Variants in KAZN observed in about 807,000 individuals in gnomAD.
The protein encoded by KAZN is kazrin, periplakin interacting protein, also known as kazrin.
KAZN carries 40 observed loss-of-function variants against 87.4 expected under a neutral mutation model. That is an observed-to-expected ratio of 0.46 (90% CI 0.36 to 0.60). KAZN has a LOEUF of 0.60. Among genes scored for constraint, KAZN ranks in the 20% least tolerant of loss-of-function variants. The pLI, the probability that KAZN is intolerant of heterozygous loss-of-function variation, is 0.00. For missense variants in KAZN, 898 were observed against 1,073.9 expected, an observed-to-expected ratio of 0.84 and a Z score of 2.29; for synonymous variants, 466 against 458.3, an observed-to-expected ratio of 1.02 and a Z score of -0.22.
chr1:14,457,184 C>T (rs1667612149), intron 2 of KAZN, among the ~76,000 whole-genome samples: 1 of 152,196 alleles, frequency 6.6e-6, no homozygotes, highest in African/African-American at 2.4e-5. Flanking sequence ...CACGTATTTC[C>T]ACTTTACCAC....
intron 1 of KAZN, among the ~76,000 whole-genome samples, chr1:14,044,964 C>G (rs907975875): frequency 2.0e-5 from 3 of 152,122 alleles, no homozygotes; most frequent in African/African-American, 7.2e-5. Flanking sequence ...TATAAAAACG[C>G]CATCTACCCC....
chr1:14,232,183 A>G (rs1481632911), intron 2 of KAZN, among the ~76,000 whole-genome samples: 1 of 152,208 alleles, frequency 6.6e-6, no homozygotes, highest in African/African-American at 2.4e-5. Context: ...GATTGCTGCT[A>G]TCACACCAGG....
Position 15,066,505 on chromosome 1 carries a change from G to A in KAZN, c.1222+752G>A, listed in dbSNP as rs1181730415. 9 of 985,318 alleles carry A rather than the reference G, an allele frequency of 9.1e-6. No homozygotes were observed. The highest frequency in any genetic ancestry group is 1.1e-5 in the Non-Finnish European group (9 of 829,922). The allele number at this position is 985,318 out of a possible 1,614,324, so 61.0% of individuals were successfully genotyped here. A position where few individuals can be genotyped will look rare whatever the true frequency, so the allele number is the denominator to read the frequency against. ...GGCTGGGTTTGTCAGAGGTCAAACC[G>A]GCTCTTTTAAACGGCCTACCAGTTT... On this transcript the variant is annotated intron_variant, in intron 8 of 14. Coordinates refer to ENST00000376030, the MANE Select transcript of KAZN (RefSeq NM_201628.3). The surrounding 1 kb of genome is among the most constrained non-coding windows in gnomAD (Gnocchi z 4.3).
At chr1:14,383,889 T>C (rs944748763) in intron 2 of KAZN, among the ~76,000 whole-genome samples, 7 of 152,018 alleles carry the variant, frequency 4.6e-5, no homozygotes, top group African/African-American at 1.7e-4. Flanking sequence ...GCATTGAATC[T>C]GTAAATTACC....
chr1:14,417,420 C>A (rs1664884474), intron 2 of KAZN, among the ~76,000 whole-genome samples: 1 of 152,166 alleles, frequency 6.6e-6, no homozygotes, highest in African/African-American at 2.4e-5. Context: ...AATTTGACTT[C>A]ACCTTCACAG....
At chr1:15,027,251 T>G (rs1013113493) in intron 2 of KAZN, among the ~76,000 whole-genome samples, 4 of 151,944 alleles carry the variant, frequency 2.6e-5, no homozygotes, top group African/African-American at 9.7e-5. Flanking sequence ...CGGCTAATTT[T>G]TTGTAATTTT....
chr1:14,305,317 G>A (rs1654844965), intron 2 of KAZN, among the ~76,000 whole-genome samples: 1 of 152,122 alleles, frequency 6.6e-6, no homozygotes, highest in Non-Finnish European at 1.5e-5. Flanking sequence ...GGAATTTAAG[G>A]ATATTTTAGA....
intron 2 of KAZN, among the ~76,000 whole-genome samples, chr1:14,572,970 G>C (rs1674961091): frequency 6.6e-6 from 1 of 152,172 alleles, no homozygotes; most frequent in Admixed American, 6.5e-5. Flanking sequence ...TACCCAGAAA[G>C]CTAATGTTCT....
chr1:14,980,562 A>T (rs962993715), intron 2 of KAZN, among the ~76,000 whole-genome samples: 1 of 152,122 alleles, frequency 6.6e-6, no homozygotes, highest in African/African-American at 2.4e-5. Context: ...CGACTCCTTG[A>T]CCCAGAAACA....
intron 2 of KAZN, among the ~76,000 whole-genome samples, chr1:14,987,579 C>A (rs866429305): frequency 2.0e-5 from 3 of 152,078 alleles, no homozygotes; most frequent in South Asian, 2.1e-4. Flanking sequence ...AGGGGAGGAA[C>A]CTGCCAGGCA....
upstream of KAZN, among the ~76,000 whole-genome samples, chr1:14,595,612 C>T (rs1676450263): frequency 7.2e-6 from 1 of 139,168 alleles, no homozygotes; most frequent in Non-Finnish European, 1.5e-5. Flanking sequence ...ACCCAGGAGG[C>T]GGAGGTTGCA....
At chr1:15,061,093 AAT>A (rs1557768920) in intron 6 of KAZN, 2 of 152,248 alleles carry the variant, frequency 1.3e-5, no homozygotes, top group African/African-American at 4.8e-5. Context: ...AAACTCAGTT[AAT>A]GTCACTTTAT....
intron 2 of KAZN, among the ~76,000 whole-genome samples, chr1:14,525,630 T>C (rs1671822110): frequency 6.6e-6 from 1 of 152,266 alleles, no homozygotes; most frequent in Non-Finnish European, 1.5e-5. Context: ...AGGCTGGATT[T>C]GGCCAAGGGC....
chr1:14,936,811 C>G (rs572005533), intron 1 of KAZN, among the ~76,000 whole-genome samples: 2 of 152,314 alleles, frequency 1.3e-5, no homozygotes, highest in East Asian at 3.9e-4. Flanking sequence ...CCAGATGCGA[C>G]AAGCCTCCTT....
At chr1:14,289,449 C>G (rs1653511420) in intron 2 of KAZN, among the ~76,000 whole-genome samples, 1 of 151,140 alleles carries the variant, frequency 6.6e-6, no homozygotes, top group East Asian at 1.9e-4. Flanking sequence ...CCTTCTTTGT[C>G]TCTTTTGATC....
chr1:14,469,986 C>T (rs1668367878), intron 2 of KAZN, among the ~76,000 whole-genome samples: 1 of 152,100 alleles, frequency 6.6e-6, no homozygotes, highest in East Asian at 1.9e-4. Flanking sequence ...TGCATTGATA[C>T]AGCGAACACT....
intron 2 of KAZN, among the ~76,000 whole-genome samples, chr1:14,376,421 T>C (rs375663617): frequency 6.6e-6 from 1 of 152,272 alleles, no homozygotes; most frequent in Non-Finnish European, 1.5e-5. Context: ...AGATTAGTTA[T>C]TGTGGGAGTG....
At chr1:13,916,168 T>C (rs1349928027) in intron 1 of KAZN, among the ~76,000 whole-genome samples, 1 of 152,138 alleles carries the variant, frequency 6.6e-6, no homozygotes, top group Non-Finnish European at 1.5e-5. Flanking sequence ...GGTGCAGTCA[T>C]GGGCTCACCT....
At chr1:14,218,904 A>AT (rs1557569629) in intron 2 of KAZN, among the ~76,000 whole-genome samples, 1 of 151,956 alleles carries the variant, frequency 6.6e-6, no homozygotes, top group Non-Finnish European at 1.5e-5. Flanking sequence ...TAGGCATTGT[A>AT]CATTTGCTGT....
Sources: allele counts gnomAD v4.1 joint callset (sites outside exome capture counted in the v4.1 genomes callset), GRCh38; gene constraint gnomAD v4.1.1; non-coding constraint Gnocchi (gnomAD v3.1); transcripts MANE v1.5; gene names NCBI Gene and HGNC (gene_info 2026-07-23, HGNC 2026-07-21).